Variants in RAB20 observed in about 807,000 individuals in gnomAD.
RAB20 encodes the protein RAB20, member RAS oncogene family.
RAB20 carries 2 observed loss-of-function variants against 3.7 expected under a neutral mutation model. The ratio of observed to expected loss-of-function variants is 0.54; its 90% CI spans 0.22 to 1.69. The LOEUF (loss-of-function observed/expected upper bound fraction) is 1.69, where lower values mean the gene tolerates loss of function less well. Ranked by LOEUF, RAB20 falls within the 40% of genes most tolerant of loss-of-function variation. The probability of loss-of-function intolerance (pLI) is 0.19; values close to 1 mark genes in which losing one functional copy is unlikely to be tolerated. For synonymous variants in RAB20, 126 were observed against 130.8 expected, an observed-to-expected ratio of 0.96 and a Z score of 0.25; for missense variants, 276 against 311.9, an observed-to-expected ratio of 0.88 and a Z score of 0.87.
chr13:110,538,959 A>C (rs1258797440), intron 1 of RAB20, among the ~76,000 whole-genome samples: 1 of 152,232 alleles, frequency 6.6e-6, no homozygotes, highest in Non-Finnish European at 1.5e-5. Flanking sequence ...AACATCCAGC[A>C]GCCGGATATG....
Position 110,533,793 on chromosome 13 carries a change from T to C in RAB20, c.173-9596A>G, listed in dbSNP as rs536346801. On this transcript the variant is annotated intron_variant, in intron 1 of 1. Coordinates refer to ENST00000267328, the MANE Select transcript of RAB20 (RefSeq NM_017817.3). Reference sequence around the variant, plus strand: ...ACTGTATTCAATTGTTTGTTGATTTTAGTGCAGTAAGGAAGGCCCACAAGA... The same window carrying C: ...ACTGTATTCAATTGTTTGTTGATTTCAGTGCAGTAAGGAAGGCCCACAAGA... Among the ~76,000 whole-genome samples, 259 of 152,352 alleles carry C rather than the reference T, an allele frequency of 1.7e-3. 1 individual carries two copies. Among genetic ancestry groups the C allele is most frequent in the African/African-American group, 5.8e-3 (242 of 41,588 alleles).
chr13:110,539,548 TGTTTTTG>T (rs1187996948), intron 1 of RAB20, among the ~76,000 whole-genome samples: 1 of 145,340 alleles, frequency 6.9e-6, no homozygotes, highest in Non-Finnish European at 1.5e-5. Context: ...TTTTTGTTTT[TGTTTTTG>T]GGTTTTTTGT....
chr13:110,534,794 T>C lies in RAB20; in HGVS notation c.173-10597A>G, dbSNP rs146766485. Among the ~76,000 whole-genome samples, 552 of 152,164 alleles carry C rather than the reference T, an allele frequency of 3.6e-3. 5 individuals carry two copies. Among genetic ancestry groups the C allele is most frequent in the African/African-American group, 0.012 (503 of 41,506 alleles). On this transcript the variant is annotated intron_variant, in intron 1 of 1. Transcript: ENST00000267328. The stretch of plus-strand genomic sequence containing the variant: ...CAACTAAACAGTAAAATAGGAAAAA[T>C]ATGATTTCCAAAACGAAGAGCAGAA...
chr13:110,553,288 A>T (rs1297046282), intron 1 of RAB20, among the ~76,000 whole-genome samples: 1 of 152,058 alleles, frequency 6.6e-6, no homozygotes, highest in Non-Finnish European at 1.5e-5. Flanking sequence ...ATCCACCCTC[A>T]CTCCACTCTA....
At chr13:110,549,717 T>TA (rs1345640355) in intron 1 of RAB20, among the ~76,000 whole-genome samples, 8 of 82,874 alleles carry the variant, frequency 9.7e-5, no homozygotes, top group Admixed American at 3.6e-4. Flanking sequence ...CACACTTTTT[T>TA]AAATTTTTTT....
intron 1 of RAB20, among the ~76,000 whole-genome samples, chr13:110,538,143 G>A (rs1444483236): frequency 6.6e-6 from 1 of 151,726 alleles, no homozygotes; most frequent in Non-Finnish European, 1.5e-5. Context: ...GGAGGCTGAG[G>A]CAGGAGGATC....
rs61582404 is a variant in RAB20, at chr13:110,527,900, TACACACACACACACACACAC to T, written c.173-3723_173-3704del. 3.6e-5 allele frequency among the ~76,000 whole-genome samples: 5 copies of T among 138,216 alleles called. No individual in the cohort carries two copies. The South Asian group carries it at 7.3e-4, about 20-fold the overall frequency. 90.7% of individuals were successfully genotyped at this position (138,216 alleles called of 152,430 possible). ...ATAGCAAGGCTCCTATCTCTACAAA[TACACACACACACACACACAC>T]ACACACACACACACACACACACATA... On this transcript the variant is annotated intron_variant, in intron 1 of 1. Coordinates refer to ENST00000267328, the MANE Select transcript of RAB20 (RefSeq NM_017817.3).
At chr13:110,549,104 A>C (rs752666421) in intron 1 of RAB20, among the ~76,000 whole-genome samples, 1 of 152,242 alleles carries the variant, frequency 6.6e-6, no homozygotes, top group Admixed American at 6.5e-5. Flanking sequence ...GCTTAAGACC[A>C]GTGTGCGGAG....
intron 1 of RAB20, among the ~76,000 whole-genome samples, chr13:110,548,441 A>G (rs933226321): frequency 2.0e-5 from 3 of 152,000 alleles, no homozygotes; most frequent in Admixed American, 6.6e-5. Flanking sequence ...CCGAGATCAC[A>G]CCACTGTACT....
intron 1 of RAB20, among the ~76,000 whole-genome samples, chr13:110,534,898 A>G (rs1443302963): frequency 6.6e-6 from 1 of 152,204 alleles, no homozygotes; most frequent in Non-Finnish European, 1.5e-5. Context: ...CAGTGGCTCA[A>G]TCATGGCTCA....
chr13:110,558,412 T>A (rs1485439960), intron 1 of RAB20, among the ~76,000 whole-genome samples: 2 of 148,242 alleles, frequency 1.3e-5, no homozygotes, highest in Non-Finnish European at 3.0e-5. Context: ...AGACAGAGTC[T>A]TACTCTTGTC....
intron 1 of RAB20, among the ~76,000 whole-genome samples, chr13:110,535,802 G>A (rs1261335827): frequency 5.9e-5 from 9 of 152,238 alleles, no homozygotes; most frequent in African/African-American, 1.2e-4. Flanking sequence ...CTCCGGCCGC[G>A]CAAGGCCTTC....
intron 1 of RAB20, among the ~76,000 whole-genome samples, chr13:110,559,481 G>C (rs55856997): frequency 6.6e-6 from 1 of 151,852 alleles, no homozygotes; most frequent in African/African-American, 2.4e-5. Context: ...ACCCGGTCAG[G>C]CCACAGGCCA....
rs148656282 is a variant in RAB20, at chr13:110,543,966, G to T, written c.172+17382C>A. ...ATTTTTGTATTTTTAGTAGAGATGTGGTTTCACCTTGTTGGCCAGGCTGGT... is the reference window on the plus strand; with the variant it reads ...ATTTTTGTATTTTTAGTAGAGATGTTGTTTCACCTTGTTGGCCAGGCTGGT... On this transcript the variant is annotated intron_variant, in intron 1 of 1. Coordinates refer to ENST00000267328, the MANE Select transcript of RAB20 (RefSeq NM_017817.3). Among the ~76,000 whole-genome samples the T allele has an allele frequency of 8.8e-3, 1,341 of 151,972 alleles. 22 individuals are homozygous for T. The highest frequency in any genetic ancestry group is 0.031 in the African/African-American group (1,283 of 41,450).
At chr13:110,534,558 C>CGAA (rs1884606470) in intron 1 of RAB20, among the ~76,000 whole-genome samples, 1 of 152,204 alleles carries the variant, frequency 6.6e-6, no homozygotes, top group African/African-American at 2.4e-5. Context: ...AGGGGCTTTT[C>CGAA]AGAAAACTGC....
rs138176591 is a variant in RAB20 at position 110,550,216 on chromosome 13, G to A, written c.172+11132C>T. On this transcript the variant is annotated intron_variant, in intron 1 of 1. Coordinates refer to ENST00000267328, the MANE Select transcript of RAB20 (RefSeq NM_017817.3). ...AACTCTGTGGCACCCCAACTCCATG[G>A]ACCCCAACTCTGTGGCACCCCAATT... Among the ~76,000 whole-genome samples the A allele has an allele frequency of 3.5e-3, 529 of 152,110 alleles. 1 individual carries two copies. Among genetic ancestry groups the A allele is most frequent in the Non-Finnish European group, 5.6e-3 (379 of 67,990 alleles).
chr13:110,557,729 G>A (rs1017413769), intron 1 of RAB20, among the ~76,000 whole-genome samples: 8 of 152,248 alleles, frequency 5.3e-5, no homozygotes, highest in Admixed American at 1.3e-4. Flanking sequence ...GCTCCCCGCC[G>A]CCTTCCAAGC....
intron 1 of RAB20, among the ~76,000 whole-genome samples, chr13:110,536,959 G>A (rs1359933080): frequency 1.0e-5 from 1 of 98,616 alleles, no homozygotes; most frequent in East Asian, 3.0e-4. Flanking sequence ...GCCCCGCTAT[G>A]TGATGTTCCC....
At chr13:110,533,388 A>G (rs953823165) in intron 1 of RAB20, among the ~76,000 whole-genome samples, 7 of 152,188 alleles carry the variant, frequency 4.6e-5, no homozygotes, top group African/African-American at 1.7e-4. Context: ...TTGGTTAAAT[A>G]ATGGTGCGTG....
Sources: allele counts gnomAD v4.1 joint callset (sites outside exome capture counted in the v4.1 genomes callset), GRCh38; gene constraint gnomAD v4.1.1; transcripts MANE v1.5; gene names NCBI Gene and HGNC (gene_info 2026-07-23, HGNC 2026-07-21).